Variants in MACROD1 observed in about 807,000 individuals in gnomAD.
The protein encoded by MACROD1 is mono-ADP ribosylhydrolase 1, also known as ADP-ribose glycohydrolase MACROD1.
In MACROD1, 31 loss-of-function variants were observed where a neutral mutation model predicts 41.4. The observed-to-expected ratio is 0.75, with a 90% CI of 0.56 to 1.01. The LOEUF (loss-of-function observed/expected upper bound fraction) is 1.01. MACROD1 is among the 50% of genes least tolerant of loss of function. The pLI is 0.00. For missense variants in MACROD1, 473 were observed against 460.0 expected (o/e 1.03, Z -0.26); for synonymous variants, 252 against 203.4 (o/e 1.24, Z -2.03).
At position 64,146,008 on chromosome 11, in the gene MACROD1, G is replaced by A. The variant is rs1590966375; in HGVS notation, c.517+5231C>T. ...TGCTCTCAAACTCCTGACCTCAAGC[G>A]ATCCGCCCGCCTCGGCCTCCCAAAG... On this transcript the variant is annotated intron_variant, in intron 3 of 10. Transcript: ENST00000255681. The surrounding 1 kb of genome is among the most constrained non-coding windows in gnomAD (Gnocchi z 4.7). Among the ~76,000 whole-genome samples, 1 of 151,822 alleles carries A rather than the reference G, an allele frequency of 6.6e-6. No homozygotes were observed. Among genetic ancestry groups the A allele is most frequent in the Admixed American group, 6.5e-5 (1 of 15,270 alleles).
chr11:64,057,046 G>A (rs1943799070), intron 3 of MACROD1, among the ~76,000 whole-genome samples: 1 of 152,210 alleles, frequency 6.6e-6, no homozygotes, highest in South Asian at 2.1e-4. Flanking sequence ...GGGCTCCCAG[G>A]CTCCAGGCCT....
rs545190791 is a variant in MACROD1, at chr11:64,141,183, G to A, written c.517+10056C>T. Reference sequence around the variant, plus strand: ...TCCACAGTAGATGGGGCTATTCGTGGTGGGGGAGGTGAGGAGACGGGGCCT... The same window carrying A: ...TCCACAGTAGATGGGGCTATTCGTGATGGGGGAGGTGAGGAGACGGGGCCT... On this transcript the variant is annotated intron_variant, in intron 3 of 10. Transcript: ENST00000255681. 3.3e-4 allele frequency among the ~76,000 whole-genome samples: 51 copies of A among 152,278 alleles called. 1 individual carries two copies. The South Asian group carries it at 0.01, about 31-fold the overall frequency.
chr11:64,129,436 G>A (rs1266177237), intron 3 of MACROD1, among the ~76,000 whole-genome samples: 1 of 152,236 alleles, frequency 6.6e-6, no homozygotes, highest in Non-Finnish European at 1.5e-5. Context: ...CTACGGCTGT[G>A]ACGGAGCCTC....
intron 4 of MACROD1, among the ~76,000 whole-genome samples, chr11:64,003,818 G>A: frequency 6.6e-6 from 1 of 152,146 alleles, no homozygotes; most frequent in East Asian, 1.9e-4. Flanking sequence ...CCACGCTCTT[G>A]GGGAGGCAGT....
At chr11:64,002,356 C>T (rs1942840692) in intron 4 of MACROD1, among the ~76,000 whole-genome samples, 2 of 152,198 alleles carry the variant, frequency 1.3e-5, no homozygotes, top group Admixed American at 1.3e-4. Flanking sequence ...GACTGGCCTG[C>T]AGCCAGGCCT....
At chr11:64,013,128 C>T (rs1462641727) in intron 4 of MACROD1, among the ~76,000 whole-genome samples, 3 of 152,228 alleles carry the variant, frequency 2.0e-5, no homozygotes, top group East Asian at 1.9e-4. Context: ...CAAACATTTA[C>T]TGAGCACTTA....
chr11:64,024,616 A>G (rs1011067156), intron 3 of MACROD1, among the ~76,000 whole-genome samples: 1 of 152,346 alleles, frequency 6.6e-6, no homozygotes, highest in African/African-American at 2.4e-5. Context: ...CTGAAACTCA[A>G]TTACCAGGAG....
rs1275100400 is a variant in MACROD1 at position 64,082,043 on chromosome 11, T to A, written c.518-66762A>T. The A allele has an allele frequency of 6.6e-6, 1 of 152,122 alleles. No individual in the cohort carries two copies. Among genetic ancestry groups the A allele is most frequent in the Non-Finnish European group, 1.5e-5 (1 of 68,116 alleles). 9.4% of individuals were successfully genotyped at this position (152,122 alleles called of 1,614,324 possible). On this transcript the variant is annotated intron_variant, in intron 3 of 10. Coordinates refer to ENST00000255681, the MANE Select transcript of MACROD1 (RefSeq NM_014067.4). The surrounding 1 kb of genome is among the most constrained non-coding windows in gnomAD (Gnocchi z 4.5). ...CCGGATCCCGTGACAGGTTGAAAAGTGTGTGAGCTGCAGCGTCCTGGGCTG... is the reference window on the plus strand; with the variant it reads ...CCGGATCCCGTGACAGGTTGAAAAGAGTGTGAGCTGCAGCGTCCTGGGCTG...
At chr11:64,055,267 C>CGGGA (rs1384757019) in intron 3 of MACROD1, among the ~76,000 whole-genome samples, 1 of 152,210 alleles carries the variant, frequency 6.6e-6, no homozygotes, top group Non-Finnish European at 1.5e-5. Context: ...TTGCCTTGAG[C>CGGGA]GGGACACCAT....
intron 3 of MACROD1, among the ~76,000 whole-genome samples, chr11:64,093,872 T>A (rs1251408121): frequency 1.3e-5 from 2 of 152,238 alleles, no homozygotes; most frequent in Non-Finnish European, 2.9e-5. Context: ...TAATACAGCC[T>A]GTGCAGCAAC....
chr11:64,101,149 G>C (rs979086217), intron 3 of MACROD1, among the ~76,000 whole-genome samples: 13 of 152,050 alleles, frequency 8.5e-5, no homozygotes, highest in Non-Finnish European at 1.6e-4. Flanking sequence ...CAGGGAGGGA[G>C]GGATGACGTC....
chr11:64,048,654 G>A (rs543613369), intron 3 of MACROD1, among the ~76,000 whole-genome samples: 19 of 151,816 alleles, frequency 1.3e-4, no homozygotes, highest in Middle Eastern at 3.4e-3. Context: ...CGTCATCACC[G>A]ATTCCTTAAA....
At chr11:64,165,605 G>A (rs1427809109) in intron 1 of MACROD1, 92 bp downstream of exon 1, 3 of 1,172,366 alleles carry the variant, frequency 2.6e-6, no homozygotes, top group East Asian at 6.4e-5. Flanking sequence ...TCTCTCGGGT[G>A]GAAGGGGCTG....
chr11:64,007,381 G>A (rs988617916), intron 4 of MACROD1, among the ~76,000 whole-genome samples: 1 of 152,188 alleles, frequency 6.6e-6, no homozygotes, highest in South Asian at 2.1e-4. Context: ...TGGCCCCTCC[G>A]AGGAGGTGGC....
chr11:64,059,420 C>G (rs1943854171), intron 3 of MACROD1, among the ~76,000 whole-genome samples: 1 of 152,120 alleles, frequency 6.6e-6, no homozygotes, highest in African/African-American at 2.4e-5. Flanking sequence ...GAAGAGATGT[C>G]CCCCCAGGGT....
intron 3 of MACROD1, among the ~76,000 whole-genome samples, chr11:64,018,029 C>G (rs902063074): frequency 6.6e-6 from 1 of 152,120 alleles, no homozygotes; most frequent in South Asian, 2.1e-4. Context: ...GTGAACTGAC[C>G]TGACGCCAAC....
intron 4 of MACROD1, among the ~76,000 whole-genome samples, chr11:64,011,634 G>T (rs778982081): frequency 7.9e-5 from 12 of 151,990 alleles, no homozygotes. Context: ...AACACAAAAC[G>T]CAAGCAGGGA....
chr11:64,016,733 G>A (rs1943086598), intron 3 of MACROD1, among the ~76,000 whole-genome samples: 1 of 152,242 alleles, frequency 6.6e-6, no homozygotes, highest in Non-Finnish European at 1.5e-5. Context: ...GAGAGGCGAG[G>A]AGCGGCTGGG....
intron 3 of MACROD1, among the ~76,000 whole-genome samples, chr11:64,021,318 G>C (rs952411244): frequency 2.0e-5 from 3 of 152,210 alleles, no homozygotes; most frequent in African/African-American, 7.2e-5. Context: ...TCCAAGGGCA[G>C]TGGCAGGAGG....
Sources: gnomAD v4.1 joint callset for allele counts (sites outside exome capture counted in the v4.1 genomes callset) on GRCh38, gnomAD v4.1.1 for gene constraint, Gnocchi (gnomAD v3.1) non-coding constraint, MANE v1.5 for transcripts, NCBI Gene and HGNC (gene_info 2026-07-23, HGNC 2026-07-21) for gene names.